The following KCNT2 variants were observed in gnomAD, a reference collection of about 807,000 sequenced individuals.
The protein encoded by KCNT2 is potassium sodium-activated channel subfamily T member 2, also known as potassium channel subfamily T member 2.
A neutral mutation model predicts 153.8 loss-of-function variants in KCNT2; 67 were observed. The ratio of observed to expected loss-of-function variants is 0.44; its 90% confidence interval spans 0.36 to 0.53. The LOEUF (loss-of-function observed/expected upper bound fraction) is 0.53. KCNT2 is among the 20% of genes least tolerant of loss of function. The pLI is 0.00. For synonymous variants in KCNT2, 500 were observed against 458.8 expected, an observed-to-expected ratio of 1.09 and a Z score of -1.15; for missense variants, 975 against 1,354.8, an observed-to-expected ratio of 0.72 and a Z score of 4.40.
intron 8 of KCNT2, among the ~76,000 whole-genome samples, chr1:196,460,504 G>A (rs973382182): frequency 1.3e-5 from 2 of 151,820 alleles, no homozygotes; most frequent in Middle Eastern, 3.4e-3. Context: ...ACTACCATAA[G>A]AGATGCTGGG....
chr1:196,467,665 A>G, intron 7 of KCNT2, 38 bp downstream of exon 7: 1 of 1,317,262 alleles, frequency 7.6e-7, no homozygotes, highest in Non-Finnish European at 1.1e-6. Flanking sequence ...AAATGGTTTA[A>G]AAATATTTTC....
At chr1:196,373,363 T>C (rs2148333504) in intron 13 of KCNT2, 115 bp from the exon 14 acceptor site, 1 of 607,200 alleles carries the variant, frequency 1.6e-6, no homozygotes, top group East Asian at 2.9e-5. Flanking sequence ...CATACTTGTT[T>C]TAGAGATGTT....
intron 1 of KCNT2, among the ~76,000 whole-genome samples, chr1:196,496,975 T>C (rs984896308): frequency 1.3e-5 from 2 of 152,176 alleles, no homozygotes; most frequent in African/African-American, 2.4e-5. Context: ...AACAAAACAA[T>C]GTTGAATGAA....
chr1:196,453,510 C>T (rs1382268868), intron 8 of KCNT2, among the ~76,000 whole-genome samples: 1 of 151,908 alleles, frequency 6.6e-6, no homozygotes, highest in Admixed American at 6.6e-5. Flanking sequence ...CCACCAGTTC[C>T]CCCTTCCAAT....
At chr1:196,312,053 T>C (rs942461547) in intron 21 of KCNT2, among the ~76,000 whole-genome samples, 1 of 151,870 alleles carries the variant, frequency 6.6e-6, no homozygotes, top group African/African-American at 2.4e-5. Flanking sequence ...ACATTTAAAT[T>C]TGAAATTGAG....
chr1:196,353,185 G>T (rs76844257), intron 14 of KCNT2, among the ~76,000 whole-genome samples: 7,613 of 151,840 alleles, frequency 0.05, 284 homozygotes, highest in Non-Finnish European at 0.072. Context: ...TCCCCTCATG[G>T]TCAAATAATC....
At chr1:196,294,519 C>T (rs1330487460) in intron 22 of KCNT2, among the ~76,000 whole-genome samples, 1 of 151,982 alleles carries the variant, frequency 6.6e-6, no homozygotes, top group East Asian at 1.9e-4. Flanking sequence ...CATGATCCAC[C>T]CGCCTTGGCC....
intron 23 of KCNT2, among the ~76,000 whole-genome samples, chr1:196,284,484 T>A (rs554513064): frequency 6.6e-6 from 1 of 151,494 alleles, no homozygotes; most frequent in East Asian, 2.0e-4. Flanking sequence ...CAGAGGATAC[T>A]GTGGCTAAAA....
chr1:196,306,008 G>A (rs1038111840), intron 21 of KCNT2, among the ~76,000 whole-genome samples: 5 of 151,756 alleles, frequency 3.3e-5, no homozygotes, highest in Admixed American at 6.6e-5. Context: ...GCACACATAC[G>A]TACACGCTCA....
chr1:196,577,135 A>T (rs1307739048), intron 1 of KCNT2, among the ~76,000 whole-genome samples: 1 of 152,170 alleles, frequency 6.6e-6, no homozygotes, highest in Non-Finnish European at 1.5e-5. Flanking sequence ...TTAAAAGCCA[A>T]CATCTATCCT....
rs1664424719 is a variant in KCNT2, at chr1:196,331,210, A to G, written c.2049T>C (p.Thr683=). The part of the protein sequence containing the change: ...PYSPYIGSSP[T]FCHLLHEKVP... ...CTTTTTCATGAAGGAGATGACAAAA[A>G]GTGGGTGAACTTCCTATATATGGAG... The change falls in exon 18 of 28, where the codon ACT becomes ACC. Residue 683 remains threonine (T), a synonymous_variant. Coordinates refer to ENST00000294725, the MANE Select transcript of KCNT2 (RefSeq NM_198503.5). 2 of 1,610,238 alleles carry G rather than the reference A, an allele frequency of 1.2e-6. No homozygotes were observed.
chr1:196,480,795 G>C (rs1212785226), intron 4 of KCNT2, among the ~76,000 whole-genome samples: 4 of 134,718 alleles, frequency 3.0e-5, no homozygotes, highest in Non-Finnish European at 6.1e-5. Flanking sequence ...GGCGGAGCTT[G>C]CAGTGAGCCG....
intron 19 of KCNT2, 74 bp downstream of exon 19, chr1:196,326,643 C>A (rs894067049): frequency 1.3e-6 from 1 of 773,316 alleles, no homozygotes; most frequent in South Asian, 2.4e-5. Context: ...ATATTACAGG[C>A]AATTATTTTT....
At chr1:196,433,967 C>T (rs1006219315) in intron 8 of KCNT2, among the ~76,000 whole-genome samples, 3 of 151,866 alleles carry the variant, frequency 2.0e-5, no homozygotes, top group African/African-American at 4.8e-5. Context: ...TTGCTTTTTT[C>T]CTTTTTCTTT....
In KCNT2 at chr1:196,263,175, CT is replaced by C. The variant is rs540339141; in HGVS notation, c.2911-4682del. On this transcript the variant is annotated intron_variant, in intron 25 of 27. Coordinates refer to ENST00000294725, the MANE Select transcript of KCNT2 (RefSeq NM_198503.5). ...CTTTCAGTTCCACCTATATATAATT[CT>C]TTTTTTTTTTAATTTTACTTTAAGC... Among the ~76,000 whole-genome samples, 202 of 145,048 alleles carry C rather than the reference CT, an allele frequency of 1.4e-3. 1 individual carries two copies. The highest frequency in any genetic ancestry group is 3.5e-3 in the Admixed American group (51 of 14,390).
At chr1:196,560,877 C>G (rs548033686) in intron 1 of KCNT2, among the ~76,000 whole-genome samples, 1 of 151,996 alleles carries the variant, frequency 6.6e-6, no homozygotes, top group African/African-American at 2.4e-5. Context: ...TTCCTTCCAT[C>G]TTTGTAGTAC....
At chr1:196,263,994 G>T (rs1171997937) in intron 25 of KCNT2, among the ~76,000 whole-genome samples, 6 of 151,162 alleles carry the variant, frequency 4.0e-5, no homozygotes, top group Non-Finnish European at 7.4e-5. Context: ...CTTACACTTT[G>T]GTCTCTGTGG....
chr1:196,253,035 G>T (rs1333185673), intron 26 of KCNT2, among the ~76,000 whole-genome samples: 1 of 150,892 alleles, frequency 6.6e-6, no homozygotes, highest in African/African-American at 2.4e-5. Flanking sequence ...GTATTTATTA[G>T]TATTTATATT....
intron 14 of KCNT2, among the ~76,000 whole-genome samples, chr1:196,346,335 A>G (rs1666141383): frequency 6.6e-6 from 1 of 152,102 alleles, no homozygotes; most frequent in African/African-American, 2.4e-5. Context: ...CATTTCTATG[A>G]TGAATGTATT....
Sources: gnomAD v4.1 joint callset for allele counts (sites outside exome capture counted in the v4.1 genomes callset) on GRCh38, gnomAD v4.1.1 for gene constraint, MANE v1.5 for transcripts, NCBI Gene and HGNC (gene_info 2026-07-23, HGNC 2026-07-21) for gene names.